Variants in DNAH7 observed in about 807,000 individuals in gnomAD.
DNAH7 encodes the protein axonemal beta dynein heavy chain 7.
DNAH7 carries 397 observed loss-of-function variants against 444.6 expected under a neutral mutation model. The ratio of observed to expected loss-of-function variants is 0.89; its 90% confidence interval spans 0.82 to 0.97. DNAH7 has a LOEUF of 0.97. DNAH7 is among the 50% of genes least tolerant of loss of function. The probability of loss-of-function intolerance (pLI) is 0.00; values close to 1 mark genes in which losing one functional copy is unlikely to be tolerated. For missense variants in DNAH7, 4,902 were observed against 4,800.8 expected (o/e 1.02, Z -0.62); for synonymous variants, 1,636 against 1,624.4 (o/e 1.01, Z -0.17).
chr2:195,988,250 A>T, intron 12 of DNAH7, 21 bp from the exon 13 acceptor site: 1 of 1,551,164 alleles, frequency 6.4e-7, no homozygotes, highest in Non-Finnish European at 8.7e-7. Context: ...GGGTAAAAAT[A>T]ATAGTATTTA....
At chr2:195,808,651 C>T in intron 53 of DNAH7, 31 bp downstream of exon 53, 1 of 1,599,044 alleles carries the variant, frequency 6.3e-7, no homozygotes, top group Non-Finnish European at 8.5e-7. Flanking sequence ...CATTTAAAAA[C>T]ATTGGAATAA....
chr2:196,006,453 A>G (rs1049333625), intron 10 of DNAH7, among the ~76,000 whole-genome samples: 1 of 152,228 alleles, frequency 6.6e-6, no homozygotes, highest in Non-Finnish European at 1.5e-5. Context: ...AATAGATTCA[A>G]AAAGCATTTA....
chr2:195,763,341 G>C (rs1268652889), intron 61 of DNAH7, among the ~76,000 whole-genome samples: 1 of 151,802 alleles, frequency 6.6e-6, no homozygotes, highest in African/African-American at 2.4e-5. Context: ...AGCAAAGCAA[G>C]AGCAAACCAA....
At chr2:195,901,961 T>C (rs1559204501) in intron 27 of DNAH7, 1 of 152,200 alleles carries the variant, frequency 6.6e-6, no homozygotes, top group East Asian at 1.9e-4. Flanking sequence ...AATATTAGTA[T>C]GTATGAGGAC....
intron 64 of DNAH7, 116 bp downstream of exon 64, chr2:195,740,650 T>TATATAC (rs1453163601): frequency 1.4e-5 from 1 of 72,222 alleles, no homozygotes; most frequent in African/African-American, 6.6e-5. Flanking sequence ...TATATACATA[T>TATATAC]ACACACACAC....
chr2:196,016,808 C>T (rs938260888), intron 9 of DNAH7, among the ~76,000 whole-genome samples: 1 of 152,094 alleles, frequency 6.6e-6, no homozygotes, highest in Non-Finnish European at 1.5e-5. Context: ...TGGAGTGAAA[C>T]TTCATGCCCA....
chr2:196,049,254 A>G lies in DNAH7; in HGVS notation c.142-850T>C, dbSNP rs548932468. 3.8e-4 allele frequency among the ~76,000 whole-genome samples: 58 copies of G among 152,290 alleles called. 3 individuals are homozygous for G. The South Asian group carries it at 0.012, about 32-fold the overall frequency. ...TTCCCTAATAAACTACCTGTACACAAGTCCTTATTTTAGTTACCTCTTACA... is the reference window on the plus strand; with the variant it reads ...TTCCCTAATAAACTACCTGTACACAGGTCCTTATTTTAGTTACCTCTTACA... On this transcript the variant is annotated intron_variant, in intron 3 of 64. Coordinates refer to ENST00000312428, the MANE Select transcript of DNAH7 (RefSeq NM_018897.3).
intron 8 of DNAH7, among the ~76,000 whole-genome samples, chr2:196,019,598 A>T (rs998981760): frequency 6.6e-6 from 1 of 152,200 alleles, no homozygotes; most frequent in Non-Finnish European, 1.5e-5. Context: ...ACAAATGAAA[A>T]CAGCAGCCAG....
chr2:195,943,555 T>A (rs903665594), intron 19 of DNAH7, among the ~76,000 whole-genome samples: 1 of 152,112 alleles, frequency 6.6e-6, no homozygotes. Context: ...TCTAAATGAG[T>A]GCTGTATCAG....
intron 12 of DNAH7, chr2:195,994,925 G>A: frequency 3.3e-6 from 1 of 306,636 alleles, no homozygotes; most frequent in South Asian, 3.4e-5. Flanking sequence ...TAGCCCACTG[G>A]ATGTTTTCCT....
intron 21 of DNAH7, among the ~76,000 whole-genome samples, chr2:195,929,207 A>T (rs543011932): frequency 6.6e-6 from 1 of 152,272 alleles, no homozygotes; most frequent in South Asian, 2.1e-4. Context: ...ACAAAACACT[A>T]CTGAAAGAAA....
rs553180294 is a variant in DNAH7 at position 195,746,054 on chromosome 2, C to G, written c.11765-5185G>C. Among the ~76,000 whole-genome samples the G allele has an allele frequency of 3.9e-5, 6 of 152,218 alleles. No individual in the cohort carries two copies. The East Asian group carries it at 1.2e-3, about 29-fold the overall frequency. On this transcript the variant is annotated intron_variant, in intron 63 of 64. Coordinates refer to ENST00000312428, the MANE Select transcript of DNAH7 (RefSeq NM_018897.3). ...GCTCCAATTAAAAGACACAGACTGGCAAATTGGATAAAGAGTCAAGACCCA... is the reference window on the plus strand; with the variant it reads ...GCTCCAATTAAAAGACACAGACTGGGAAATTGGATAAAGAGTCAAGACCCA...
At chr2:195,896,885 C>T (rs548445679) in intron 29 of DNAH7, among the ~76,000 whole-genome samples, 218 of 152,278 alleles carry the variant, frequency 1.4e-3, no homozygotes, top group African/African-American at 5.1e-3. Context: ...CTGGACAATA[C>T]TAGCAACAGC....
intron 1 of DNAH7, among the ~76,000 whole-genome samples, chr2:196,060,217 C>CA (rs909301795): frequency 1.4e-4 from 21 of 151,264 alleles, no homozygotes; most frequent in African/African-American, 3.2e-4. Flanking sequence ...GACACTGTCT[C>CA]AAAAAAAAGA....
intron 15 of DNAH7, among the ~76,000 whole-genome samples, chr2:195,975,615 C>T (rs1008862500): frequency 6.6e-6 from 1 of 152,168 alleles, no homozygotes; most frequent in Admixed American, 6.5e-5. Flanking sequence ...CCATCCCTCC[C>T]CCAACCCCAG....
At position 195,737,761 on chromosome 2, in the gene DNAH7, T is replaced by C. The variant is rs1692719630; in HGVS notation, c.*160A>G. 1.6e-6 allele frequency: 1 copy of C among 616,558 alleles called. No individual in the cohort carries two copies. Among genetic ancestry groups the C allele is most frequent in the African/African-American group, 1.8e-5 (1 of 54,160 alleles). 38.2% of individuals were successfully genotyped at this position (616,558 alleles called of 1,614,324 possible). ...ACATTTCCTTACATTTAAGTATGAG[T>C]CATATTAAGTTTAGCTGCATTTGCT... On this transcript the variant is annotated 3_prime_UTR_variant, in exon 65 of 65. Transcript: ENST00000312428.
At chr2:196,010,845 T>C (rs1189746074) in intron 10 of DNAH7, among the ~76,000 whole-genome samples, 1 of 152,206 alleles carries the variant, frequency 6.6e-6, no homozygotes, top group South Asian at 2.1e-4. Flanking sequence ...ATCCTGTCAT[T>C]TGCAGCAACA....
chr2:195,740,644 TACATATAC>T (rs1279697016), intron 64 of DNAH7, 114 bp downstream of exon 64: 3 of 126,632 alleles, frequency 2.4e-5, no homozygotes, highest in African/African-American at 4.8e-5. Flanking sequence ...TATATATATA[TACATATAC>T]ACACACACAT....
At chr2:196,041,375 T>TG (rs1372622560) in intron 5 of DNAH7, among the ~76,000 whole-genome samples, 4 of 152,008 alleles carry the variant, frequency 2.6e-5, no homozygotes, top group African/African-American at 9.7e-5. Context: ...CTTAGACCTG[T>TG]GGAAAAGAAT....
Sources: allele counts gnomAD v4.1 joint callset (sites outside exome capture counted in the v4.1 genomes callset), GRCh38; gene constraint gnomAD v4.1.1; transcripts MANE v1.5; gene names NCBI Gene and HGNC (gene_info 2026-07-23, HGNC 2026-07-21).